Variants in DLGAP1 observed in about 807,000 individuals in gnomAD.
DLGAP1 encodes the protein disks large-associated protein 1.
Under a neutral mutation model 90.8 loss-of-function variants are expected in DLGAP1, and 11 were observed. The ratio of observed to expected loss-of-function variants is 0.12; its 90% CI spans 0.08 to 0.20. DLGAP1 has a LOEUF of 0.20. DLGAP1 is among the 10% of genes least tolerant of loss of function. DLGAP1 has a pLI of 1.00. For missense variants in DLGAP1, 1,050 were observed against 1,333.8 expected (o/e 0.79, Z 3.31); for synonymous variants, 558 against 540.7 (o/e 1.03, Z -0.44).
At chr18:4,001,856 G>A (rs2149075100) in intron 3 of DLGAP1, among the ~76,000 whole-genome samples, 1 of 152,264 alleles carries the variant, frequency 6.6e-6, no homozygotes, top group South Asian at 2.1e-4. Context: ...GACTCTAGGG[G>A]TTTCAGTTGC....
At chr18:3,870,834 T>C (rs777525132) in intron 4 of DLGAP1, among the ~76,000 whole-genome samples, 1 of 152,210 alleles carries the variant, frequency 6.6e-6, no homozygotes, top group Non-Finnish European at 1.5e-5. Flanking sequence ...TGTGTTCTGC[T>C]CTATGCATCC....
At chr18:3,872,673 C>T (rs981084478) in intron 4 of DLGAP1, among the ~76,000 whole-genome samples, 1 of 152,148 alleles carries the variant, frequency 6.6e-6, no homozygotes. Context: ...GCAATGTGTT[C>T]TACCATTCAC....
At chr18:3,996,608 T>C (rs1183037653) in intron 3 of DLGAP1, among the ~76,000 whole-genome samples, 1 of 152,042 alleles carries the variant, frequency 6.6e-6, no homozygotes, top group Non-Finnish European at 1.5e-5. Flanking sequence ...TTATATTTAG[T>C]ACATGTTGAA....
rs201821305 is a variant in DLGAP1 at position 3,895,149 on chromosome 18, C to T, written c.-72-15009G>A. Among the ~76,000 whole-genome samples, 74 of 152,262 alleles carry T rather than the reference C, an allele frequency of 4.9e-4. 1 individual carries two copies. The East Asian group carries it at 0.012, about 25-fold the overall frequency. On this transcript the variant is annotated intron_variant, in intron 3 of 12. Transcript: ENST00000315677. ...CTCTTGTAAGATGAGTATGTTTCCA[C>T]TTCGAGCAGTGCGTGCTCCACCAGC...
chr18:3,534,163 G>A (rs1279614902), intron 10 of DLGAP1, 31 bp downstream of exon 10: 3 of 1,591,692 alleles, frequency 1.9e-6, no homozygotes, highest in South Asian at 2.3e-5. Flanking sequence ...AGCCCCAGGG[G>A]ACGGGTGTGG....
At chr18:4,012,297 C>G (rs2074438930) in intron 2 of DLGAP1, among the ~76,000 whole-genome samples, 1 of 152,160 alleles carries the variant, frequency 6.6e-6, no homozygotes, top group Non-Finnish European at 1.5e-5. Context: ...TCCCCATGGC[C>G]CGAGGCAAAG....
At chr18:3,992,735 A>G (rs1298119446) in intron 3 of DLGAP1, among the ~76,000 whole-genome samples, 1 of 152,194 alleles carries the variant, frequency 6.6e-6, no homozygotes, top group African/African-American at 2.4e-5. Context: ...ACCTGGAAAA[A>G]TCAACTGATC....
intron 1 of DLGAP1, among the ~76,000 whole-genome samples, chr18:4,430,268 C>A (rs1397995286): frequency 6.6e-6 from 1 of 152,108 alleles, no homozygotes. Context: ...TTTTTAAACA[C>A]ATCACCTTAA....
chr18:4,263,947 C>T (rs942313207), intron 1 of DLGAP1, among the ~76,000 whole-genome samples: 4 of 152,214 alleles, frequency 2.6e-5, no homozygotes, highest in South Asian at 2.1e-4. Flanking sequence ...ATTATGATAA[C>T]GAAAGCAAAT....
At chr18:3,926,771 A>G (rs145921514) in intron 3 of DLGAP1, among the ~76,000 whole-genome samples, 1 of 152,232 alleles carries the variant, frequency 6.6e-6, no homozygotes, top group Non-Finnish European at 1.5e-5. Context: ...GTTAGTAGCA[A>G]TGAGCACCTA....
chr18:3,732,367 T>C (rs1296459951), intron 6 of DLGAP1, among the ~76,000 whole-genome samples: 1 of 152,268 alleles, frequency 6.6e-6, no homozygotes, highest in East Asian at 1.9e-4. Flanking sequence ...TTGTTAATCC[T>C]TGGGAGCTGC....
chr18:4,096,276 C>T (rs775302426), intron 2 of DLGAP1, among the ~76,000 whole-genome samples: 4 of 152,058 alleles, frequency 2.6e-5, no homozygotes, highest in African/African-American at 4.8e-5. Flanking sequence ...CCTCCCACCT[C>T]GGCCTCCCAA....
chr18:3,760,342 T>C (rs3850798), intron 5 of DLGAP1, among the ~76,000 whole-genome samples: 44,648 of 152,016 alleles, frequency 0.29, 7,426 homozygotes, highest in East Asian at 0.55. Context: ...ACCTGCCGAG[T>C]TCTGCTCCTG....
intron 1 of DLGAP1, among the ~76,000 whole-genome samples, chr18:4,252,219 G>A (rs911675444): frequency 1.3e-5 from 2 of 152,170 alleles, no homozygotes; most frequent in African/African-American, 4.8e-5. Context: ...ACTGTGACTA[G>A]GAAGGAAGGT....
At chr18:3,523,614 A>G (rs569331338) in intron 10 of DLGAP1, among the ~76,000 whole-genome samples, 3,347 of 151,990 alleles carry the variant, frequency 0.022, 56 homozygotes, top group African/African-American at 0.04. Flanking sequence ...TTGGGAGGCC[A>G]AGGAGGGCGG....
At chr18:4,145,871 T>C (rs1474058291) in intron 2 of DLGAP1, among the ~76,000 whole-genome samples, 2 of 151,576 alleles carry the variant, frequency 1.3e-5, no homozygotes, top group Non-Finnish European at 1.5e-5. Flanking sequence ...AAAACGTAAT[T>C]TGCAAACTTC....
chr18:4,001,831 A>G (rs969658280), intron 3 of DLGAP1, among the ~76,000 whole-genome samples: 6 of 152,126 alleles, frequency 3.9e-5, no homozygotes, highest in Non-Finnish European at 7.4e-5. Context: ...TTCACCCACA[A>G]GTTGGAGGCG....
intron 7 of DLGAP1, among the ~76,000 whole-genome samples, chr18:3,713,813 C>T (rs1011561632): frequency 3.9e-5 from 6 of 152,106 alleles, no homozygotes; most frequent in Admixed American, 6.5e-5. Flanking sequence ...TGGGTGTCCA[C>T]GGTGGGACTG....
At chr18:4,020,135 G>A (rs138282075) in intron 2 of DLGAP1, among the ~76,000 whole-genome samples, 1 of 152,256 alleles carries the variant, frequency 6.6e-6, no homozygotes, top group African/African-American at 2.4e-5. Flanking sequence ...GCAGGCTTCA[G>A]AGAGAATAGA....
Sources: allele counts gnomAD v4.1 joint callset (sites outside exome capture counted in the v4.1 genomes callset), GRCh38; gene constraint gnomAD v4.1.1; transcripts MANE v1.5; gene names NCBI Gene and HGNC (gene_info 2026-07-23, HGNC 2026-07-21).